The following DEFB116 variants were observed in gnomAD, a reference collection of about 807,000 sequenced individuals.
DEFB116 encodes beta-defensin 116.
A neutral mutation model predicts 2.8 loss-of-function variants in DEFB116; 5 were observed. The ratio of observed to expected loss-of-function variants is 1.80; its 90% CI spans 0.94 to 3.79. DEFB116 has a LOEUF of 3.79. DEFB116 is among the 30% of genes most tolerant of loss of function. DEFB116 has a pLI of 0.00. For synonymous variants in DEFB116, 56 were observed against 40.8 expected (o/e 1.37, Z -1.42); for missense variants, 170 against 118.0 (o/e 1.44, Z -2.04).
At chr20:31,303,505 G>A in intron 1 of DEFB116, 52 bp from the exon 2 acceptor site, 1 of 1,595,776 alleles carries the variant, frequency 6.3e-7, no homozygotes, top group Non-Finnish European at 8.5e-7. Context: ...ATAATAGGGT[G>A]ATGAAGCATG....
chr20:31,307,909 T>C (rs1985030647), intron 1 of DEFB116, among the ~76,000 whole-genome samples: 1 of 151,390 alleles, frequency 6.6e-6, no homozygotes, highest in South Asian at 2.1e-4. Flanking sequence ...CATAACACTA[T>C]CCAAGCCACC....
chr20:31,307,566 G>A (rs752412823), intron 1 of DEFB116, among the ~76,000 whole-genome samples: 2 of 151,874 alleles, frequency 1.3e-5, no homozygotes, highest in South Asian at 2.1e-4. Context: ...ATAAACAAGG[G>A]GATTGCAGCA....
intron 1 of DEFB116, among the ~76,000 whole-genome samples, chr20:31,304,671 A>G (rs1984953307): frequency 6.6e-6 from 1 of 152,028 alleles, no homozygotes; most frequent in Admixed American, 6.6e-5. Context: ...AGGGCCTTCT[A>G]CAGATTTCAA....
At chr20:31,303,607 T>C (rs1984932384) in intron 1 of DEFB116, among the ~76,000 whole-genome samples, 154 bp from the exon 2 acceptor site, 1 of 152,052 alleles carries the variant, frequency 6.6e-6, no homozygotes, top group Admixed American at 6.6e-5. Context: ...ATTTACCATC[T>C]CTCCCTCCTC....
intron 1 of DEFB116, among the ~76,000 whole-genome samples, chr20:31,303,911 C>T (rs1376872223): frequency 1.3e-5 from 2 of 152,100 alleles, no homozygotes; most frequent in Non-Finnish European, 2.9e-5. Flanking sequence ...AGGATCTACT[C>T]TCAGATAGCA....
chr20:31,303,507 T>C (rs2122445803), intron 1 of DEFB116, 54 bp from the exon 2 acceptor site: 6 of 1,595,752 alleles, frequency 3.8e-6, no homozygotes, highest in Non-Finnish European at 4.3e-6. Flanking sequence ...AATAGGGTGA[T>C]GAAGCATGAT....
intron 1 of DEFB116, among the ~76,000 whole-genome samples, 156 bp downstream of exon 1, chr20:31,308,363 T>G (rs1985043566): frequency 6.6e-6 from 1 of 152,086 alleles, no homozygotes; most frequent in Non-Finnish European, 1.5e-5. Flanking sequence ...GATCTTTACA[T>G]GAAATTAACC....
intron 1 of DEFB116, among the ~76,000 whole-genome samples, chr20:31,305,378 T>C (rs1984971196): frequency 6.6e-6 from 1 of 152,048 alleles, no homozygotes; most frequent in South Asian, 2.1e-4. Flanking sequence ...ACTGGAGGGA[T>C]GGATAGAAAC....
intron 1 of DEFB116, 105 bp downstream of exon 1, chr20:31,308,414 C>T (rs1387515971): frequency 9.1e-7 from 1 of 1,099,834 alleles, no homozygotes; most frequent in African/African-American, 1.6e-5. Context: ...CCAGAAAAGG[C>T]TTTAGGTGTT....
At chr20:31,305,519 C>G (rs1004409203) in intron 1 of DEFB116, among the ~76,000 whole-genome samples, 1 of 152,092 alleles carries the variant, frequency 6.6e-6, no homozygotes, top group Admixed American at 6.5e-5. Flanking sequence ...TAGATAGTTA[C>G]AGTTTCTTAC....
intron 1 of DEFB116, among the ~76,000 whole-genome samples, chr20:31,307,624 AAAC>A (rs1490948285): frequency 5.9e-5 from 9 of 152,118 alleles, no homozygotes; most frequent in African/African-American, 2.2e-4. Flanking sequence ...CAAAATGAAG[AAAC>A]AACCTATGGA....
At chr20:31,308,413 G>T (rs985384186) in intron 1 of DEFB116, 106 bp downstream of exon 1, 47 of 1,083,818 alleles carry the variant, frequency 4.3e-5, no homozygotes, top group African/African-American at 6.3e-5. Context: ...ACCAGAAAAG[G>T]CTTTAGGTGT....
chr20:31,303,560 G>T, intron 1 of DEFB116, 107 bp from the exon 2 acceptor site: 1 of 1,446,768 alleles, frequency 6.9e-7, no homozygotes, highest in Non-Finnish European at 9.3e-7. Context: ...ACAAGATCTG[G>T]AATCAAAACT....
Position 31,308,562 on chromosome 20 carries a change from T to G in DEFB116, c.24A>C (p.Leu8Phe). 2 of 1,613,560 alleles carry G rather than the reference T, an allele frequency of 1.2e-6. No homozygotes were observed. The highest frequency in any genetic ancestry group is 1.7e-6 in the Non-Finnish European group (2 of 1,179,558). The change falls in exon 1 of 2, where the codon TTA (leucine) becomes TTC (phenylalanine). Residue 8 changes from leucine to phenylalanine, a missense_variant. Transcript: ENST00000400549. ...GGATCATAAGGATGGCAATGGTCAT[T>G]AAACAGGGCTTCATGACTGACATGT... MSVMKPC[L>F]MTIAILMILA... is the part of the protein sequence containing the mutation.
At position 31,304,795 on chromosome 20, in the gene DEFB116, A is replaced by G. The variant is rs540775938; in HGVS notation, c.68-1342T>C. On this transcript the variant is annotated intron_variant, in intron 1 of 1. Transcript: ENST00000400549. Reference sequence around the variant, plus strand: ...TGTCAGGCCATGGACTCAGTGCTAAATAGATAGAGGTCTCCAATTAATCAA... The same window carrying G: ...TGTCAGGCCATGGACTCAGTGCTAAGTAGATAGAGGTCTCCAATTAATCAA... Among the ~76,000 whole-genome samples the G allele has an allele frequency of 3.1e-4, 47 of 152,196 alleles. 2 individuals are homozygous for G. The South Asian group carries it at 9.3e-3, about 30-fold the overall frequency.
intron 1 of DEFB116, 96 bp from the exon 2 acceptor site, chr20:31,303,549 C>T: frequency 6.7e-7 from 1 of 1,501,192 alleles, no homozygotes; most frequent in South Asian, 1.3e-5. Flanking sequence ...CTATTAAGGG[C>T]ACAAGATCTG....
At chr20:31,304,068 C>A (rs114193208) in intron 1 of DEFB116, among the ~76,000 whole-genome samples, 1 of 152,096 alleles carries the variant, frequency 6.6e-6, no homozygotes, top group South Asian at 2.1e-4. Flanking sequence ...TATACACAGA[C>A]CCATGTATAC....
At chr20:31,308,071 C>A (rs934503905) in intron 1 of DEFB116, among the ~76,000 whole-genome samples, 7 of 151,974 alleles carry the variant, frequency 4.6e-5, no homozygotes, top group Non-Finnish European at 7.4e-5. Context: ...TCAGCCCAAC[C>A]TATAAATACA....
chr20:31,308,393 C>T (rs192378444), intron 1 of DEFB116, 126 bp downstream of exon 1: 238 of 845,386 alleles, frequency 2.8e-4, no homozygotes, highest in Non-Finnish European at 3.6e-4. Context: ...ACATCTGTGA[C>T]CCACCTGAGA....
Sources: gnomAD v4.1 joint callset for allele counts (sites outside exome capture counted in the v4.1 genomes callset) on GRCh38, gnomAD v4.1.1 for gene constraint, MANE v1.5 for transcripts, NCBI Gene and HGNC (gene_info 2026-07-23, HGNC 2026-07-21) for gene names.